STX1B: variants seen among roughly 807,000 people sequenced by gnomAD.
The protein encoded by STX1B is syntaxin 1B, also known as syntaxin-1B.
A neutral mutation model predicts 39.4 loss-of-function variants in STX1B; 7 were observed. The ratio of observed to expected loss-of-function variants is 0.18; its 90% CI spans 0.10 to 0.33. The LOEUF is 0.33. STX1B is among the 10% of genes least tolerant of loss of function. The pLI, the probability that STX1B is intolerant of heterozygous loss-of-function variation, is 1.00. For synonymous variants in STX1B, 136 were observed against 144.1 expected (o/e 0.94, Z 0.40); for missense variants, 198 against 383.2 (o/e 0.52, Z 4.04).
chr16:31,002,158 G>A (rs1244751226), intron 1 of STX1B, among the ~76,000 whole-genome samples: 1 of 151,754 alleles, frequency 6.6e-6, no homozygotes, highest in African/African-American at 2.4e-5. Context: ...GACCTCCCTC[G>A]CGCCCTGTGC....
rs1403558220 is a variant in STX1B at position 31,001,967 on chromosome 16, C to G, written c.31-364G>C. Among the ~76,000 whole-genome samples, 1 of 152,112 alleles carries G rather than the reference C, an allele frequency of 6.6e-6. No homozygotes were observed. The highest frequency in any genetic ancestry group is 1.9e-4 in the East Asian group (1 of 5,194). ...CCATGAAGGGTCCTGGACTAGAGTCCCGGGAGCCTGGATCTCCCTACTGTT... is the reference window on the plus strand; with the variant it reads ...CCATGAAGGGTCCTGGACTAGAGTCGCGGGAGCCTGGATCTCCCTACTGTT... On this transcript the variant is annotated intron_variant, in intron 1 of 9. Coordinates refer to ENST00000215095, the MANE Select transcript of STX1B (RefSeq NM_052874.5). The surrounding 1 kb of genome is among the most constrained non-coding windows in gnomAD (Gnocchi z 5.5).
At chr16:31,007,274 C>T (rs1452335701) in intron 1 of STX1B, among the ~76,000 whole-genome samples, 2 of 152,118 alleles carry the variant, frequency 1.3e-5, no homozygotes, top group Non-Finnish European at 2.9e-5. Context: ...GGGCACGGGG[C>T]GGTCCCTCAG....
At position 30,993,404 on chromosome 16, in the gene STX1B, G is replaced by A. The variant is rs1342424473; in HGVS notation, c.618C>T (p.Thr206=). Residue 206 remains threonine, a synonymous_variant, in exon 8 of 10, where the codon ACC becomes ACT. Transcript: ENST00000215095. ...ACATATCGTGCAGCTCGCGGATGCTGGTCTCCAGCTTGATGATCTCATTGT... is the reference window on the plus strand; with the variant it reads ...ACATATCGTGCAGCTCGCGGATGCTAGTCTCCAGCTTGATGATCTCATTGT... ...TRHNEIIKLE[T]SIRELHDMFV... 6.2e-7 allele frequency: 1 copy of A among 1,613,948 alleles called. No homozygotes were observed. Among genetic ancestry groups the A allele is most frequent in the African/African-American group, 1.3e-5 (1 of 74,900 alleles).
In STX1B at chr16:31,001,624, G is replaced by T; in HGVS notation, c.31-21C>A. ...TTCGCCTGGGGACAAGGAAGGCTGA[G>T]TCCATGAGCAGGCCCTACCTGGGTC... is the stretch of plus-strand genomic sequence containing the variant. On this transcript the variant is annotated intron_variant, in intron 1 of 9. Coordinates refer to ENST00000215095, the MANE Select transcript of STX1B (RefSeq NM_052874.5). This position sits in a 1 kb window ranked among gnomAD's most constrained non-coding sequence, Gnocchi z 5.5. The T allele has an allele frequency of 6.2e-7, 1 of 1,607,480 alleles. No individual in the cohort carries two copies. Among genetic ancestry groups the T allele is most frequent in the Non-Finnish European group, 8.5e-7 (1 of 1,176,112 alleles).
intron 4 of STX1B, 53 bp downstream of exon 4, chr16:31,000,875 C>T (rs1172114978): frequency 1.3e-6 from 2 of 1,596,796 alleles, no homozygotes; most frequent in Admixed American, 1.7e-5. Context: ...CCTGAGCCAC[C>T]ATGCTCCACC....
In STX1B at chr16:30,992,584, C is replaced by T. The variant is rs543519244; in HGVS notation, c.*237G>A. The T allele has an allele frequency of 5.0e-5, 24 of 479,542 alleles. No individual in the cohort carries two copies. The highest frequency in any genetic ancestry group is 1.5e-4 in the African/African-American group (7 of 46,604). 29.7% of individuals were successfully genotyped at this position (479,542 alleles called of 1,614,324 possible). A position where few individuals can be genotyped will look rare whatever the true frequency, so the allele number is the denominator to read the frequency against. ...TCCACACGTCTCGAGCATGTGCCGG[C>T]GGCATGCATGTTGGTGTGCATGTGT... On this transcript the variant is annotated 3_prime_UTR_variant, in exon 10 of 10. Coordinates refer to ENST00000215095, the MANE Select transcript of STX1B (RefSeq NM_052874.5).
chr16:31,003,355 C>G (rs767942336), intron 1 of STX1B, among the ~76,000 whole-genome samples: 3 of 152,212 alleles, frequency 2.0e-5, no homozygotes, highest in Non-Finnish European at 2.9e-5. Context: ...GTTGGGGACC[C>G]TGAGAGGCTC....
chr16:30,994,892 C>CTTTTTTTTTTTTTTTTTTTT (rs10524041), intron 7 of STX1B, among the ~76,000 whole-genome samples: 5 of 99,810 alleles, frequency 5.0e-5, no homozygotes, highest in African/African-American at 1.1e-4. Flanking sequence ...GTCTCCCCGT[C>CTTTTTTTTTTTTTTTTTTTT]TTTTTTTTTT....
In STX1B at chr16:31,001,121, T is replaced by G; in HGVS notation, c.178A>C (p.Ile60Leu). The G allele has an allele frequency of 6.2e-7, 1 of 1,614,126 alleles. No homozygotes were observed. Among genetic ancestry groups the G allele is most frequent in the Non-Finnish European group, 8.5e-7 (1 of 1,180,034 alleles). Reference sequence around the variant, plus strand: ...TCATCTGGGTTGGGTGCGGCCAGGATGGCGCTATGCTGTTTTTTCACCTGC... The same window carrying G: ...TCATCTGGGTTGGGTGCGGCCAGGAGGGCGCTATGCTGTTTTTTCACCTGC... ...VEQVKKQHSA[I>L]LAAPNPDEKT... The change falls in exon 3 of 10, where the codon ATC becomes CTC. Residue 60 changes from isoleucine to leucine, a missense_variant. By Grantham distance (5) the Ile-to-Leu change is conservative. Transcript: ENST00000215095. The surrounding 1 kb of genome is among the most constrained non-coding windows in gnomAD (Gnocchi z 5.5).
At chr16:31,006,624 T>C (rs2056656225) in intron 1 of STX1B, among the ~76,000 whole-genome samples, 1 of 152,010 alleles carries the variant, frequency 6.6e-6, no homozygotes, top group Non-Finnish European at 1.5e-5. Flanking sequence ...GGGGGGATTG[T>C]GGAAGGATTT....
intron 4 of STX1B, among the ~76,000 whole-genome samples, chr16:31,000,372 AC>A (rs2056620514): frequency 6.8e-6 from 1 of 146,474 alleles, no homozygotes; most frequent in South Asian, 2.1e-4. Flanking sequence ...TCTATCTGTA[AC>A]CCAGGCTGGA....
In STX1B at chr16:30,996,562, C is replaced by T. The variant is rs905888140; in HGVS notation, c.537+121G>A. The T allele has an allele frequency of 1.3e-4, 114 of 902,694 alleles. 1 individual carries two copies. The highest frequency in any genetic ancestry group is 7.1e-4 in the Middle Eastern group (3 of 4,206). 55.9% of individuals were successfully genotyped at this position (902,694 alleles called of 1,614,324 possible). A position where few individuals can be genotyped will look rare whatever the true frequency, so the allele number is the denominator to read the frequency against. On this transcript the variant is annotated intron_variant, in intron 7 of 9. Coordinates refer to ENST00000215095, the MANE Select transcript of STX1B (RefSeq NM_052874.5). ...CCGCTCCCATGGAATTCCCCAGTTC[C>T]CGGCTCAGGCTTCCCGCTGCTCATT...
intron 4 of STX1B, 117 bp downstream of exon 4, chr16:31,000,811 C>CTGGT: frequency 1.0e-6 from 1 of 996,316 alleles, no homozygotes; most frequent in Non-Finnish European, 1.6e-6. Context: ...GTTGCCCAGG[C>CTGGT]TGGTGTTGAA....
rs1386770789 is a variant in STX1B, at chr16:30,992,632, G to A, written c.*189C>T. 1.5e-5 allele frequency: 8 copies of A among 519,720 alleles called. 1 individual carries two copies. Among genetic ancestry groups the A allele is most frequent in the South Asian group, 1.2e-4 (5 of 42,766 alleles). 32.2% of individuals were successfully genotyped at this position (519,720 alleles called of 1,614,324 possible). A position where few individuals can be genotyped will look rare whatever the true frequency, so the allele number is the denominator to read the frequency against. Reference sequence around the variant, plus strand: ...TGTAATCACGCCTGCTGCGATCTACGTGCGGGGACGGGGGGGGGGTCCATG... The same window carrying A: ...TGTAATCACGCCTGCTGCGATCTACATGCGGGGACGGGGGGGGGGTCCATG... On this transcript the variant is annotated 3_prime_UTR_variant, in exon 10 of 10. Coordinates refer to ENST00000215095, the MANE Select transcript of STX1B (RefSeq NM_052874.5).
At chr16:31,002,678 T>C (rs572780521) in intron 1 of STX1B, among the ~76,000 whole-genome samples, 1 of 152,318 alleles carries the variant, frequency 6.6e-6, no homozygotes, top group East Asian at 1.9e-4. Flanking sequence ...AGTCCTTCTC[T>C]GCTTGGGACA....
At chr16:30,994,120 G>A (rs548892673) in intron 7 of STX1B, among the ~76,000 whole-genome samples, 8 of 151,430 alleles carry the variant, frequency 5.3e-5, no homozygotes, top group Admixed American at 3.9e-4. Flanking sequence ...GTGAAACTCC[G>A]TCTCTACTAA....
In STX1B at chr16:30,992,649, G is replaced by C. The variant is rs959155695; in HGVS notation, c.*172C>G. On this transcript the variant is annotated 3_prime_UTR_variant, in exon 10 of 10. Coordinates refer to ENST00000215095, the MANE Select transcript of STX1B (RefSeq NM_052874.5). Reference sequence around the variant, plus strand: ...CGATCTACGTGCGGGGACGGGGGGGGGGTCCATGGCCCGGTGAGGTCCAGG... The same window carrying C: ...CGATCTACGTGCGGGGACGGGGGGGCGGTCCATGGCCCGGTGAGGTCCAGG... The C allele has an allele frequency of 2.0e-4, 96 of 489,402 alleles. 2 individuals are homozygous for C. The highest frequency in any genetic ancestry group is 4.3e-4 in the South Asian group (16 of 37,192). 30.3% of individuals were successfully genotyped at this position (489,402 alleles called of 1,614,324 possible).
rs532794576 is a variant in STX1B at position 31,001,443 on chromosome 16, C to T, written c.105+86G>A. 1.2e-5 allele frequency: 8 copies of T among 661,376 alleles called. No homozygotes were observed. Among genetic ancestry groups the T allele is most frequent in the East Asian group, 2.2e-4 (2 of 9,056 alleles). 41.0% of individuals were successfully genotyped at this position (661,376 alleles called of 1,614,324 possible). ...GGGTGCTGGGGCTGGGGCTGGGTGC[C>T]GGGGCTGAGGCTGGGCGGTGGGACT... is the stretch of plus-strand genomic sequence containing the variant. On this transcript the variant is annotated intron_variant, in intron 2 of 9. Coordinates refer to ENST00000215095, the MANE Select transcript of STX1B (RefSeq NM_052874.5). The surrounding 1 kb of genome is among the most constrained non-coding windows in gnomAD (Gnocchi z 5.5).
intron 1 of STX1B, among the ~76,000 whole-genome samples, chr16:31,004,432 G>A (rs1386394603): frequency 6.6e-6 from 1 of 152,122 alleles, no homozygotes; most frequent in African/African-American, 2.4e-5. Context: ...CCAGCACTTT[G>A]GGAGGCTCTG....
Sources: gnomAD v4.1 joint callset for allele counts (sites outside exome capture counted in the v4.1 genomes callset) on GRCh38, gnomAD v4.1.1 for gene constraint, Gnocchi (gnomAD v3.1) non-coding constraint, MANE v1.5 for transcripts, NCBI Gene and HGNC (gene_info 2026-07-23, HGNC 2026-07-21) for gene names.